Variants in ASNS observed in about 807,000 individuals in gnomAD.
ASNS encodes the protein asparagine synthetase [glutamine-hydrolyzing].
In ASNS, 37 loss-of-function variants were observed where a neutral mutation model predicts 62.6. The observed-to-expected ratio is 0.59, with a 90% CI of 0.45 to 0.78. The LOEUF (loss-of-function observed/expected upper bound fraction) is 0.78. ASNS is among the 30% of genes least tolerant of loss of function. ASNS has a pLI of 0.00. For synonymous variants in ASNS, 207 were observed against 237.9 expected (o/e 0.87, Z 1.19); for missense variants, 520 against 682.4 (o/e 0.76, Z 2.65).
the ASNS span, among the ~76,000 whole-genome samples, chr7:97,884,544 C>A: frequency 6.6e-6 from 1 of 151,822 alleles, no homozygotes; most frequent in African/African-American, 2.4e-5. Flanking sequence ...AGTGAAAGTC[C>A]GTCTCCAAAA....
upstream of ASNS, among the ~76,000 whole-genome samples, chr7:97,875,737 G>C (rs1333893048): frequency 2.0e-5 from 3 of 152,170 alleles, no homozygotes; most frequent in African/African-American, 4.8e-5. Flanking sequence ...TAGCCACATT[G>C]ATTTTCCCTA....
chr7:97,864,149 T>TA (rs1791849565), intron 4 of ASNS, 110 bp downstream of exon 4: 1 of 930,484 alleles, frequency 1.1e-6, no homozygotes, highest in East Asian at 2.6e-5. Flanking sequence ...ACTCATAACT[T>TA]AGTCACTTGT....
chr7:97,918,263 T>C, the ASNS span, among the ~76,000 whole-genome samples: 1 of 152,158 alleles, frequency 6.6e-6, no homozygotes, highest in African/African-American at 2.4e-5. Flanking sequence ...GCCGGATGAC[T>C]GGATGGAATT....
chr7:97,921,388 G>A, the ASNS span, among the ~76,000 whole-genome samples: 1 of 152,174 alleles, frequency 6.6e-6, no homozygotes, highest in Non-Finnish European at 1.5e-5. Context: ...TATTGTAGCA[G>A]GAAAGCAGCC....
chr7:97,903,105 C>T, the ASNS span, among the ~76,000 whole-genome samples: 1 of 152,168 alleles, frequency 6.6e-6, no homozygotes, highest in East Asian at 1.9e-4. Flanking sequence ...AGCAGTGTCA[C>T]AGCTGACACC....
At chr7:97,879,893 G>A in the ASNS span, among the ~76,000 whole-genome samples, 1 of 152,152 alleles carries the variant, frequency 6.6e-6, no homozygotes, top group Admixed American at 6.5e-5. Flanking sequence ...TGTAGAACCT[G>A]GATTTAAGCT....
At position 97,858,356 on chromosome 7, in the gene ASNS, T is replaced by G. The variant is rs766414347; in HGVS notation, c.825A>C (p.Lys275Asn). The G allele has an allele frequency of 6.2e-7, 1 of 1,614,152 alleles. No individual in the cohort carries two copies. The highest frequency in any genetic ancestry group is 8.5e-7 in the Non-Finnish European group (1 of 1,180,016). The part of the protein sequence containing the change: ...LVAATLLKQL[K>N]EAQVQYPLQT... Reference sequence around the variant, plus strand: ...GGAGAGGATACTGTACTTGGGCTTCTTTCAGCTGCTTCAACAGAGTGGCAG... The same window carrying G: ...GGAGAGGATACTGTACTTGGGCTTCGTTCAGCTGCTTCAACAGAGTGGCAG... The change falls in exon 7 of 13, where the codon AAA (lysine) becomes AAC (asparagine). Residue 275 changes from lysine to asparagine, a missense_variant. Coordinates refer to ENST00000394308, the MANE Select transcript of ASNS (RefSeq NM_001673.5).
Position 97,868,898 on chromosome 7 carries a change from T to C in ASNS, c.249+10A>G, listed in dbSNP as rs768070933. 3.1e-6 allele frequency: 5 copies of C among 1,612,500 alleles called. No individual in the cohort carries two copies. Among genetic ancestry groups the C allele is most frequent in the Non-Finnish European group, 3.4e-6 (4 of 1,179,136 alleles). On this transcript the variant is annotated intron_variant, in intron 3 of 12. Coordinates refer to ENST00000394308, the MANE Select transcript of ASNS (RefSeq NM_001673.5). ...AATCGCATCCAGACATCTGGTTTCT[T>C]TCTCCTCACCTTCTTATGGTTGTAG... is the stretch of plus-strand genomic sequence containing the variant.
At chr7:97,899,909 T>C in the ASNS span, among the ~76,000 whole-genome samples, 1 of 152,222 alleles carries the variant, frequency 6.6e-6, no homozygotes, top group African/African-American at 2.4e-5. Flanking sequence ...TGTGCTTTCA[T>C]TTTTGAATAT....
intron 3 of ASNS, among the ~76,000 whole-genome samples, chr7:97,865,799 G>A (rs1328487903): frequency 6.6e-6 from 1 of 152,134 alleles, no homozygotes; most frequent in Non-Finnish European, 1.5e-5. Flanking sequence ...TCCTGCCAAT[G>A]GCGTATCCAG....
In ASNS at chr7:97,853,269, G is replaced by A. The variant is rs1450220226; in HGVS notation, c.1320+36C>T. 6.8e-6 allele frequency: 11 copies of A among 1,612,118 alleles called. No homozygotes were observed. The African/African-American group carries it at 1.5e-4, about 22-fold the overall frequency. ...TAAAAATTACAAATATAATCTGATGGCAATGGACAGTTTTACCTTGAGTTG... is the reference window on the plus strand; with the variant it reads ...TAAAAATTACAAATATAATCTGATGACAATGGACAGTTTTACCTTGAGTTG... On this transcript the variant is annotated intron_variant, in intron 11 of 12. Coordinates refer to ENST00000394308, the MANE Select transcript of ASNS (RefSeq NM_001673.5).
At chr7:97,902,845 C>T in the ASNS span, among the ~76,000 whole-genome samples, 1 of 152,206 alleles carries the variant, frequency 6.6e-6, no homozygotes, top group African/African-American at 2.4e-5. Flanking sequence ...TCTACTAACC[C>T]CTGACTACAA....
the ASNS span, among the ~76,000 whole-genome samples, chr7:97,909,457 C>T: frequency 6.6e-6 from 1 of 151,862 alleles, no homozygotes; most frequent in East Asian, 1.9e-4. Context: ...TACAGGCATG[C>T]ACCATCATGC....
chr7:97,875,383 C>A (rs977774152), upstream of ASNS, among the ~76,000 whole-genome samples: 4 of 152,226 alleles, frequency 2.6e-5, no homozygotes, highest in African/African-American at 9.6e-5. Context: ...AAATGATCCA[C>A]CCGCCTTGGC....
chr7:97,875,553 C>T (rs1370886336), upstream of ASNS, among the ~76,000 whole-genome samples: 1 of 152,228 alleles, frequency 6.6e-6, no homozygotes, highest in African/African-American at 2.4e-5. Flanking sequence ...CCCATCTCTG[C>T]ATGTGTCCTT....
chr7:97,896,819 C>T, the ASNS span, among the ~76,000 whole-genome samples: 2 of 133,124 alleles, frequency 1.5e-5, no homozygotes, highest in African/African-American at 2.7e-5. Context: ...TTAAAACAGA[C>T]ACAAAAACAA....
chr7:97,889,596 A>C, the ASNS span, among the ~76,000 whole-genome samples: 1 of 152,120 alleles, frequency 6.6e-6, no homozygotes. Context: ...AGCTGAAGGA[A>C]TCATATGCAG....
the ASNS span, among the ~76,000 whole-genome samples, chr7:97,903,785 C>G: frequency 6.6e-6 from 1 of 152,156 alleles, no homozygotes; most frequent in Admixed American, 6.5e-5. Context: ...TAATTATGTT[C>G]TTACTGACAG....
intron 8 of ASNS, among the ~76,000 whole-genome samples, chr7:97,856,038 C>T (rs1045163631): frequency 6.6e-6 from 1 of 152,178 alleles, no homozygotes; most frequent in African/African-American, 2.4e-5. Flanking sequence ...TAACCTCACC[C>T]CAGCCCCATG....
Sources: allele counts gnomAD v4.1 joint callset (sites outside exome capture counted in the v4.1 genomes callset), GRCh38; gene constraint gnomAD v4.1.1; transcripts MANE v1.5; gene names NCBI Gene and HGNC (gene_info 2026-07-23, HGNC 2026-07-21).